GNB1L: variants seen among roughly 807,000 people sequenced by gnomAD.
GNB1L encodes guanine nucleotide-binding protein subunit beta-like protein 1.
In GNB1L, 20 loss-of-function variants were observed where a neutral mutation model predicts 29.1. The observed-to-expected ratio is 0.69, with a 90% CI of 0.48 to 1.00. The LOEUF is 1.00. Ranked by LOEUF, GNB1L falls within the 50% of genes least tolerant of loss-of-function variation. The pLI, the probability that GNB1L is intolerant of heterozygous loss-of-function variation, is 0.00. For missense variants in GNB1L, 421 were observed against 464.9 expected (o/e 0.91, Z 0.87); for synonymous variants, 193 against 206.5 (o/e 0.93, Z 0.56).
In GNB1L at chr22:19,816,194, T is replaced by C. The variant is rs1325565970; in HGVS notation, c.255-3747A>G. ...CATGTCTTTGCACTCCTTCCTTCCC[T>C]GGGGACGAGGCCCAGGCCCATATTC... On this transcript the variant is annotated intron_variant, in intron 4 of 7. Coordinates refer to ENST00000329517, the MANE Select transcript of GNB1L (RefSeq NM_053004.3). This position sits in a 1 kb window ranked among gnomAD's most constrained non-coding sequence, Gnocchi z 4.4. Among the ~76,000 whole-genome samples, 1 of 152,186 alleles carries C rather than the reference T, an allele frequency of 6.6e-6. No individual in the cohort carries two copies. Among genetic ancestry groups the C allele is most frequent in the African/African-American group, 2.4e-5 (1 of 41,440 alleles).
chr22:19,820,653 C>T lies in GNB1L; in HGVS notation c.199G>A (p.Gly67Ser), dbSNP rs554106644. The T allele has an allele frequency of 1.4e-5, 22 of 1,613,580 alleles. No homozygotes were observed. Among genetic ancestry groups the T allele is most frequent in the South Asian group, 6.6e-5 (6 of 91,070 alleles). The change falls in exon 4 of 8, where the codon GGC becomes AGC. Residue 67 changes from glycine (G) to serine (S), a missense_variant. Physicochemically the swap from Gly to Ser is moderately conservative, Grantham distance 56 (BLOSUM62 0). Coordinates refer to ENST00000329517, the MANE Select transcript of GNB1L (RefSeq NM_053004.3). ...RRAVTTLDGH[G>S]GQCVTWLQTL... ...TGCAGCCAGGTCACACACTGGCCGC[C>T]GTGGCCATCCAGGGTGGTAACCGCT...
chr22:19,832,227 G>A (rs1270751780), intron 2 of GNB1L, among the ~76,000 whole-genome samples: 2 of 152,188 alleles, frequency 1.3e-5, no homozygotes, highest in East Asian at 3.8e-4. Flanking sequence ...TTACTTGGGA[G>A]GCTGAGGTGG....
intron 7 of GNB1L, among the ~76,000 whole-genome samples, chr22:19,789,816 G>A (rs1479116616): frequency 3.4e-5 from 5 of 145,042 alleles, no homozygotes; most frequent in African/African-American, 5.2e-5. Flanking sequence ...CTGCCTGGGC[G>A]ACAGAGTGAG....
intron 5 of GNB1L, among the ~76,000 whole-genome samples, chr22:19,811,941 C>G (rs905861413): frequency 5.3e-5 from 8 of 152,118 alleles, no homozygotes; most frequent in African/African-American, 1.9e-4. Flanking sequence ...AGCAGTCTCT[C>G]CCCTGCCGTT....
intron 2 of GNB1L, among the ~76,000 whole-genome samples, chr22:19,839,007 A>C (rs1937812607): frequency 6.6e-6 from 1 of 152,222 alleles, no homozygotes. Context: ...ACTATTGATA[A>C]ATGCAACAAC....
At chr22:19,841,746 CT>C (rs1318394607) in intron 2 of GNB1L, among the ~76,000 whole-genome samples, 2 of 152,200 alleles carry the variant, frequency 1.3e-5, no homozygotes, top group African/African-American at 2.4e-5. Context: ...ACAGTGCCCC[CT>C]GGTACAAGCT....
chr22:19,791,874 A>G (rs1236289227), intron 7 of GNB1L, among the ~76,000 whole-genome samples: 2 of 152,186 alleles, frequency 1.3e-5, no homozygotes, highest in African/African-American at 4.8e-5. Flanking sequence ...ACTAGAAACC[A>G]AGCCCTGAAA....
At chr22:19,820,827 G>A (rs1275492396) in intron 3 of GNB1L, 104 bp from the exon 4 acceptor site, 1 of 1,376,968 alleles carries the variant, frequency 7.3e-7, no homozygotes, top group Non-Finnish European at 9.9e-7. Context: ...ATCTAGGCTG[G>A]TTGAGCTGAA....
chr22:19,795,373 C>T (rs573191319), intron 7 of GNB1L, among the ~76,000 whole-genome samples: 2 of 152,194 alleles, frequency 1.3e-5, no homozygotes, highest in South Asian at 2.1e-4. Flanking sequence ...ACCAAAAGAT[C>T]GGTAAGGATA....
At chr22:19,831,903 C>A (rs1441695733) in intron 2 of GNB1L, among the ~76,000 whole-genome samples, 1 of 152,068 alleles carries the variant, frequency 6.6e-6, no homozygotes, top group Non-Finnish European at 1.5e-5. Flanking sequence ...AGATGTTCAA[C>A]CAAAAGCTTA....
At chr22:19,807,107 G>T (rs1057095890) in intron 5 of GNB1L, among the ~76,000 whole-genome samples, 7 of 152,002 alleles carry the variant, frequency 4.6e-5, no homozygotes, top group Non-Finnish European at 7.4e-5. Context: ...CATAGCCATG[G>T]TTCTAAGACT....
intron 2 of GNB1L, chr22:19,851,789 A>C (rs1938107678): frequency 4.3e-6 from 7 of 1,613,678 alleles, no homozygotes; most frequent in African/African-American, 1.3e-5. Flanking sequence ...GTCCCCATCA[A>C]GGTAGGGGGC....
intron 4 of GNB1L, 95 bp downstream of exon 4, chr22:19,820,503 C>G (rs757556953): frequency 2.7e-5 from 36 of 1,348,520 alleles, no homozygotes; most frequent in Non-Finnish European, 3.5e-5. Context: ...TCCCCCACCC[C>G]ATTCTGCCCC....
rs927489306 is a variant in GNB1L at position 19,802,197 on chromosome 22, G to A, written c.536C>T (p.Pro179Leu). 7.4e-6 allele frequency: 12 copies of A among 1,612,772 alleles called. No individual in the cohort carries two copies. Among genetic ancestry groups the A allele is most frequent in the South Asian group, 1.1e-5 (1 of 91,082 alleles). Residue 179 changes from proline (P) to leucine (L), a missense_variant, in exon 7 of 8, where the codon CCA becomes CTA. Transcript: ENST00000329517. ...ATCCTCATAGCCGGCCAGAAGGAGTGGGCGGGAGCTGCAGTCGGCCTGCGG... is the reference window on the plus strand; with the variant it reads ...ATCCTCATAGCCGGCCAGAAGGAGTAGGCGGGAGCTGCAGTCGGCCTGCGG... ...RLWQADCSSR[P>L]LLLAGYEDGS...
At chr22:19,796,621 G>A (rs1045682204) in intron 7 of GNB1L, among the ~76,000 whole-genome samples, 10 of 152,194 alleles carry the variant, frequency 6.6e-5, no homozygotes, top group Non-Finnish European at 1.5e-4. Context: ...TAAAAATGGG[G>A]TCTTTGTGTC....
chr22:19,819,576 C>T (rs2145880698), intron 4 of GNB1L, among the ~76,000 whole-genome samples: 1 of 152,334 alleles, frequency 6.6e-6, no homozygotes, highest in South Asian at 2.1e-4. Flanking sequence ...TAGGGTCACA[C>T]TGTCTCGGGA....
In GNB1L at chr22:19,848,396, G is replaced by T. The variant is rs1486433300; in HGVS notation, c.-21+6047C>A. ...AAGAGAAAAACAACCCAGGGGGAAT[G>T]CCTCCTTCCCCCAGCAGGAAAGCAG... On this transcript the variant is annotated intron_variant, in intron 2 of 7. Transcript: ENST00000329517. 3.0e-6 allele frequency: 3 copies of T among 985,360 alleles called. No homozygotes were observed. The East Asian group carries it at 3.4e-4, about 112-fold the overall frequency. 61.0% of individuals were successfully genotyped at this position (985,360 alleles called of 1,614,324 possible).
At chr22:19,836,473 A>G (rs1937766865) in intron 2 of GNB1L, among the ~76,000 whole-genome samples, 1 of 152,242 alleles carries the variant, frequency 6.6e-6, no homozygotes, top group Admixed American at 6.5e-5. Context: ...AAATAACACT[A>G]TTCTACAAAT....
rs886273117 is a variant in GNB1L at position 19,787,782 on chromosome 22, C to A, written c.*927G>T. ...AATATTCAGGGTCATGGTTCTTTCCCAATCAACACCCGCTTTTAGGAGGAG... is the reference window on the plus strand; with the variant it reads ...AATATTCAGGGTCATGGTTCTTTCCAAATCAACACCCGCTTTTAGGAGGAG... On this transcript the variant is annotated 3_prime_UTR_variant, in exon 8 of 8. Transcript: ENST00000329517. 1 of 152,486 alleles carries A rather than the reference C, an allele frequency of 6.6e-6. No individual in the cohort carries two copies. Among genetic ancestry groups the A allele is most frequent in the African/African-American group, 2.4e-5 (1 of 41,480 alleles). 9.4% of individuals were successfully genotyped at this position (152,486 alleles called of 1,614,324 possible). A position where few individuals can be genotyped will look rare whatever the true frequency, so the allele number is the denominator to read the frequency against.
Sources: allele counts gnomAD v4.1 joint callset (sites outside exome capture counted in the v4.1 genomes callset), GRCh38; gene constraint gnomAD v4.1.1; non-coding constraint Gnocchi (gnomAD v3.1); transcripts MANE v1.5; gene names NCBI Gene and HGNC (gene_info 2026-07-23, HGNC 2026-07-21).